PRKCH: variants seen among roughly 807,000 people sequenced by gnomAD.
PRKCH encodes protein kinase C eta type.
PRKCH carries 28 observed loss-of-function variants against 82.5 expected under a neutral mutation model. The observed-to-expected ratio is 0.34, with a 90% CI of 0.25 to 0.47. The LOEUF (loss-of-function observed/expected upper bound fraction) is 0.47. PRKCH is among the 20% of genes least tolerant of loss of function. The probability of loss-of-function intolerance (pLI) is 1.00; values close to 1 mark genes in which losing one functional copy is unlikely to be tolerated. For missense variants in PRKCH, 705 were observed against 881.8 expected (o/e 0.80, Z 2.54); for synonymous variants, 322 against 327.4 (o/e 0.98, Z 0.18).
At chr14:61,549,022 T>C (rs1052716148) in intron 13 of PRKCH, among the ~76,000 whole-genome samples, 2 of 152,318 alleles carry the variant, frequency 1.3e-5, no homozygotes, top group South Asian at 2.1e-4. Context: ...ACTAACAGCC[T>C]ACTAGGCTGT....
intron 1 of PRKCH, among the ~76,000 whole-genome samples, chr14:61,343,695 T>C (rs2045957198): frequency 6.6e-6 from 1 of 152,146 alleles, no homozygotes; most frequent in South Asian, 2.1e-4. Context: ...TGTGAAAGAG[T>C]AAAATTGGCT....
chr14:61,372,247 G>A (rs1157280772), intron 1 of PRKCH, among the ~76,000 whole-genome samples: 1 of 152,020 alleles, frequency 6.6e-6, no homozygotes, highest in Non-Finnish European at 1.5e-5. Flanking sequence ...TGGGCACTGC[G>A]TGTCCTTGTT....
At position 61,499,501 on chromosome 14, in the gene PRKCH, C is replaced by T. The variant is rs1886805889; in HGVS notation, c.1433+13845C>T. 2.0e-5 allele frequency among the ~76,000 whole-genome samples: 3 copies of T among 152,246 alleles called. No homozygotes were observed. In the South Asian group the frequency reaches 6.2e-4, roughly 32 times the overall value. ...AGGTGGCGCTTTGACTGCCTGGCCC[C>T]TCACATCTTGCTCCTCCCTTTTCAC... On this transcript the variant is annotated intron_variant, in intron 10 of 13. Coordinates refer to ENST00000332981, the MANE Select transcript of PRKCH (RefSeq NM_006255.5).
At chr14:61,433,369 GA>G (rs780500691) in intron 2 of PRKCH, among the ~76,000 whole-genome samples, 19 of 150,990 alleles carry the variant, frequency 1.3e-4, no homozygotes, top group Admixed American at 6.6e-4. Flanking sequence ...GGATAAGAGA[GA>G]AAAAAAAATC....
intron 10 of PRKCH, among the ~76,000 whole-genome samples, chr14:61,500,416 T>C (rs1048950556): frequency 1.3e-5 from 2 of 152,026 alleles, no homozygotes; most frequent in Admixed American, 6.5e-5. Context: ...CAGGCTGGTC[T>C]CAAACTCCTG....
chr14:61,358,059 C>A (rs1236268297), intron 1 of PRKCH, among the ~76,000 whole-genome samples: 1 of 152,072 alleles, frequency 6.6e-6, no homozygotes, highest in East Asian at 1.9e-4. Flanking sequence ...ATTTAGAGAC[C>A]ATATTATATA....
chr14:61,230,673 T>C (rs1300147809), intron 1 of PRKCH, among the ~76,000 whole-genome samples: 2 of 152,232 alleles, frequency 1.3e-5, no homozygotes, highest in Non-Finnish European at 2.9e-5. Context: ...AGAAGCTGTA[T>C]GCAAACTCTG....
intron 10 of PRKCH, among the ~76,000 whole-genome samples, chr14:61,504,275 A>AC (rs2139958016): frequency 6.6e-6 from 1 of 151,516 alleles, no homozygotes; most frequent in Admixed American, 6.6e-5. Context: ...TGCAACCTCC[A>AC]CCTCCTGGGT....
At chr14:61,387,620 G>A (rs1031336256) in intron 1 of PRKCH, among the ~76,000 whole-genome samples, 5 of 152,282 alleles carry the variant, frequency 3.3e-5, no homozygotes, top group South Asian at 2.1e-4. Flanking sequence ...AGCAACTACC[G>A]TGAATAAATG....
chr14:61,515,417 C>T (rs933807970), intron 10 of PRKCH, among the ~76,000 whole-genome samples: 2 of 152,148 alleles, frequency 1.3e-5, no homozygotes, highest in African/African-American at 2.4e-5. Flanking sequence ...AATTCAGTGG[C>T]GTTTGACAGT....
intron 10 of PRKCH, among the ~76,000 whole-genome samples, chr14:61,508,556 G>A (rs970176570): frequency 3.9e-5 from 6 of 152,128 alleles, no homozygotes; most frequent in African/African-American, 1.5e-4. Context: ...CCTTTTGTAT[G>A]TTCTGGTCAG....
chr14:61,345,872 C>CTTTTTT (rs2045985546), intron 1 of PRKCH, among the ~76,000 whole-genome samples: 2 of 144,116 alleles, frequency 1.4e-5, no homozygotes. Flanking sequence ...GACCCTGTCT[C>CTTTTTT]TCTTTTTTTT....
At chr14:61,448,158 CTCCTG>C (rs1884316289) in intron 4 of PRKCH, among the ~76,000 whole-genome samples, 2 of 152,220 alleles carry the variant, frequency 1.3e-5, no homozygotes, top group African/African-American at 4.8e-5. Flanking sequence ...CAATTTGGTT[CTCCTG>C]AGAATTGAAT....
chr14:61,451,589 G>C (rs920052234), intron 6 of PRKCH, among the ~76,000 whole-genome samples: 1 of 152,238 alleles, frequency 6.6e-6, no homozygotes, highest in Non-Finnish European at 1.5e-5. Flanking sequence ...AGTGGAGTGA[G>C]AGTTTGGAGC....
At chr14:61,411,652 A>G (rs1200194040) in intron 2 of PRKCH, among the ~76,000 whole-genome samples, 1 of 152,178 alleles carries the variant, frequency 6.6e-6, no homozygotes, top group Non-Finnish European at 1.5e-5. Context: ...GGAAAAGGGA[A>G]CCATGTGGAG....
intron 12 of PRKCH, chr14:61,544,410 A>C (rs2043228008): frequency 6.6e-6 from 1 of 152,230 alleles, no homozygotes; most frequent in Non-Finnish European, 1.5e-5. Flanking sequence ...AAATTATTTC[A>C]AAACACACTA....
chr14:61,250,584 AG>A (rs1594874123), intron 1 of PRKCH, among the ~76,000 whole-genome samples: 1 of 152,138 alleles, frequency 6.6e-6, no homozygotes, highest in South Asian at 2.1e-4. Context: ...GCCAAAGGTT[AG>A]GGGGAGGAGG....
At chr14:61,362,296 A>C (rs1179004451) in intron 1 of PRKCH, among the ~76,000 whole-genome samples, 4 of 150,790 alleles carry the variant, frequency 2.7e-5, no homozygotes, top group Non-Finnish European at 4.4e-5. Flanking sequence ...AGCCAAGATT[A>C]CATCACTGCA....
At chr14:61,498,095 G>C (rs939849217) in intron 10 of PRKCH, among the ~76,000 whole-genome samples, 2 of 151,996 alleles carry the variant, frequency 1.3e-5, no homozygotes, top group African/African-American at 4.8e-5. Flanking sequence ...GCTCACTGCA[G>C]CCTCTCCTCC....
Sources: gnomAD v4.1 joint callset for allele counts (sites outside exome capture counted in the v4.1 genomes callset) on GRCh38, gnomAD v4.1.1 for gene constraint, MANE v1.5 for transcripts, NCBI Gene and HGNC (gene_info 2026-07-23, HGNC 2026-07-21) for gene names.